The following CHST12 variants were observed in gnomAD, a reference collection of about 807,000 sequenced individuals.
The protein encoded by CHST12 is carbohydrate sulfotransferase 12, also known as carbohydrate (chondroitin 4) sulfotransferase 12.
A neutral mutation model predicts 27.9 loss-of-function variants in CHST12; 23 were observed. The observed-to-expected ratio is 0.82, with a 90% confidence interval of 0.59 to 1.17. The LOEUF (loss-of-function observed/expected upper bound fraction) is 1.17. Among genes scored for constraint, CHST12 ranks in the 50% most tolerant of loss-of-function variants. CHST12 has a pLI of 0.00. For missense variants in CHST12, 682 were observed against 603.0 expected (o/e 1.13, Z -1.37); for synonymous variants, 322 against 273.0 (o/e 1.18, Z -1.77).
At chr7:2,414,843 G>T (rs1235927899) in intron 1 of CHST12, among the ~76,000 whole-genome samples, 3 of 152,154 alleles carry the variant, frequency 2.0e-5, no homozygotes, top group Non-Finnish European at 1.5e-5. Context: ...CAGATATCCA[G>T]TTGTTTCAGC....
rs1325001016 is a variant in CHST12, at chr7:2,444,968, A to C, written c.*11084A>C. ...TGGATGAAATGGTTTTTGCCATTTC[A>C]ATTGGTTCTCTTCCAACGTGTCTTC... On this transcript the variant is annotated 3_prime_UTR_variant, in exon 2 of 2. Transcript: ENST00000618655. 1 of 152,142 alleles carries C rather than the reference A, an allele frequency of 6.6e-6. No homozygotes were observed. Among genetic ancestry groups the C allele is most frequent in the East Asian group, 1.9e-4 (1 of 5,196 alleles). 9.4% of individuals were successfully genotyped at this position (152,142 alleles called of 1,614,324 possible). A position where few individuals can be genotyped will look rare whatever the true frequency, so the allele number is the denominator to read the frequency against.
Position 2,432,832 on chromosome 7 carries a change from G to A in CHST12, c.193G>A (p.Asp65Asn), listed in dbSNP as rs955669873. Residue 65 changes from aspartate (D) to asparagine (N), a missense_variant, in exon 2 of 2, where the codon GAT (aspartate) becomes AAT (asparagine). Coordinates refer to ENST00000618655, the MANE Select transcript of CHST12 (RefSeq NM_018641.5). ...GGACAGGGAGCTCACGGCCGACTCC[G>A]ATGTCGACGAGTTTCTGGACAAGTT... ...DRDRELTADS[D>N]VDEFLDKFLS... is the part of the protein sequence containing the mutation. The A allele has an allele frequency of 5.0e-6, 8 of 1,613,762 alleles. No homozygotes were observed. In the Admixed American group the frequency reaches 6.7e-5, roughly 13 times the overall value.
Position 2,408,145 on chromosome 7 carries a change from G to A in CHST12, c.-78+4472G>A, listed in dbSNP as rs141685697. The stretch of plus-strand genomic sequence containing the variant: ...AGCACTTTGGGTGGCCGAGGTGGAC[G>A]GATCACTTGAGGCCAGGAGTTTGAG... On this transcript the variant is annotated intron_variant, in intron 1 of 1. Transcript: ENST00000618655. Among the ~76,000 whole-genome samples the A allele has an allele frequency of 8.5e-3, 1,280 of 151,368 alleles. 11 individuals are homozygous for A. Among genetic ancestry groups the A allele is most frequent in the Non-Finnish European group, 0.014 (923 of 67,816 alleles).
chr7:2,434,229 G>C lies in CHST12; in HGVS notation c.*345G>C, dbSNP rs1187469742. 9.8e-6 allele frequency: 2 copies of C among 204,484 alleles called. No homozygotes were observed. Among genetic ancestry groups the C allele is most frequent in the Non-Finnish European group, 2.2e-5 (2 of 91,240 alleles). The allele number at this position is 204,484 out of a possible 1,614,324, so 12.7% of individuals were successfully genotyped here. Reference sequence around the variant, plus strand: ...CCAGGGCTAGGGCCACTCACCGGAGGAGGGCGGGGCCTGCACTTGAAGTCA... The same window carrying C: ...CCAGGGCTAGGGCCACTCACCGGAGCAGGGCGGGGCCTGCACTTGAAGTCA... On this transcript the variant is annotated 3_prime_UTR_variant, in exon 2 of 2. Transcript: ENST00000618655.
At chr7:2,403,715 C>T (rs1781445878) in intron 1 of CHST12, 42 bp downstream of exon 1, 1 of 152,466 alleles carries the variant, frequency 6.6e-6, no homozygotes, top group Admixed American at 6.6e-5. Flanking sequence ...CGCGGTCTCC[C>T]TCTCTCTCGG....
rs1184731343 is a variant in CHST12 at position 2,437,481 on chromosome 7, G to A, written c.*3597G>A. On this transcript the variant is annotated 3_prime_UTR_variant, in exon 2 of 2. Coordinates refer to ENST00000618655, the MANE Select transcript of CHST12 (RefSeq NM_018641.5). ...TAAAGCATCTCATGCTTCTTCATTC[G>A]CTGATACTTACAACCCCCAGTGGAT... 2 of 152,198 alleles carry A rather than the reference G, an allele frequency of 1.3e-5. No individual in the cohort carries two copies. Among genetic ancestry groups the A allele is most frequent in the African/African-American group, 2.4e-5 (1 of 41,446 alleles). The allele number at this position is 152,198 out of a possible 1,614,324, so 9.4% of individuals were successfully genotyped here. A position where few individuals can be genotyped will look rare whatever the true frequency, so the allele number is the denominator to read the frequency against.
chr7:2,424,006 T>C (rs551954903), intron 1 of CHST12, among the ~76,000 whole-genome samples: 1 of 151,436 alleles, frequency 6.6e-6, no homozygotes, highest in South Asian at 2.1e-4. Context: ...GAGCCGAGAT[T>C]GCAGCACTGT....
chr7:2,412,876 A>G (rs1781702246), intron 1 of CHST12, among the ~76,000 whole-genome samples: 1 of 151,326 alleles, frequency 6.6e-6, no homozygotes, highest in African/African-American at 2.4e-5. Flanking sequence ...TTGTTATTTT[A>G]AAATCAATTT....
Position 2,405,886 on chromosome 7 carries a change from C to G in CHST12, c.-78+2213C>G, listed in dbSNP as rs77024547. Reference sequence around the variant, plus strand: ...TGTGACCTGGTGGAGAAGAGACAGCCTGTACAAGGAGGGAATCCCCAGGAA... The same window carrying G: ...TGTGACCTGGTGGAGAAGAGACAGCGTGTACAAGGAGGGAATCCCCAGGAA... On this transcript the variant is annotated intron_variant, in intron 1 of 1. Coordinates refer to ENST00000618655, the MANE Select transcript of CHST12 (RefSeq NM_018641.5). Among the ~76,000 whole-genome samples the G allele has an allele frequency of 2.0e-5, 3 of 152,284 alleles. No individual in the cohort carries two copies. The East Asian group carries it at 5.8e-4, about 29-fold the overall frequency.
chr7:2,428,528 G>A (rs925476458), intron 1 of CHST12, among the ~76,000 whole-genome samples: 4 of 152,158 alleles, frequency 2.6e-5, no homozygotes, highest in African/African-American at 7.2e-5. Context: ...CTGGTCCTGC[G>A]ATGCCGCCAA....
intron 1 of CHST12, among the ~76,000 whole-genome samples, chr7:2,424,581 A>T (rs116787171): frequency 6.6e-6 from 1 of 152,096 alleles, no homozygotes; most frequent in Non-Finnish European, 1.5e-5. Flanking sequence ...CTCCCGGGCA[A>T]TCCGCCTGTT....
intron 1 of CHST12, among the ~76,000 whole-genome samples, chr7:2,429,102 C>T (rs1293859753): frequency 6.6e-6 from 1 of 152,202 alleles, no homozygotes; most frequent in Non-Finnish European, 1.5e-5. Flanking sequence ...CGTTCATAGG[C>T]TCTCTGCAGG....
At position 2,410,082 on chromosome 7, in the gene CHST12, G is replaced by A. The variant is rs559510977; in HGVS notation, c.-78+6409G>A. Among the ~76,000 whole-genome samples the A allele has an allele frequency of 5.3e-5, 8 of 152,190 alleles. No homozygotes were observed. The East Asian group carries it at 9.6e-4, about 18-fold the overall frequency. ...CAGGCCTGAGCCGCCACGCCCGGCC[G>A]AGCGCTTTCTTTCGTCGTTTTCCAA... On this transcript the variant is annotated intron_variant, in intron 1 of 1. Transcript: ENST00000618655.
Position 2,443,723 on chromosome 7 carries a change from G to A in CHST12, c.*9839G>A, listed in dbSNP as rs750295865. Reference sequence around the variant, plus strand: ...ACAAAGACAGAGCTGCTTCCCTCCTGTTGGGTCTCTGGCGGACAGTCAGGT... The same window carrying A: ...ACAAAGACAGAGCTGCTTCCCTCCTATTGGGTCTCTGGCGGACAGTCAGGT... On this transcript the variant is annotated 3_prime_UTR_variant, in exon 2 of 2. Transcript: ENST00000618655. 3 of 152,230 alleles carry A rather than the reference G, an allele frequency of 2.0e-5. No individual in the cohort carries two copies. The highest frequency in any genetic ancestry group is 4.4e-5 in the Non-Finnish European group (3 of 68,062). 9.4% of individuals were successfully genotyped at this position (152,230 alleles called of 1,614,324 possible). A position where few individuals can be genotyped will look rare whatever the true frequency, so the allele number is the denominator to read the frequency against.
Position 2,434,348 on chromosome 7 carries a change from C to G in CHST12, c.*464C>G, listed in dbSNP as rs896085112. 1 of 170,038 alleles carries G rather than the reference C, an allele frequency of 5.9e-6. No homozygotes were observed. The highest frequency in any genetic ancestry group is 2.0e-4 in the South Asian group (1 of 5,014). 10.5% of individuals were successfully genotyped at this position (170,038 alleles called of 1,614,324 possible). ...TGTTGTACTTGAAAAGGTCAATCTT[C>G]AGGGCTTCCTGTTTGAAGTCAAGTC... On this transcript the variant is annotated 3_prime_UTR_variant, in exon 2 of 2. Transcript: ENST00000618655.
chr7:2,418,985 A>G (rs1781887437), intron 1 of CHST12, among the ~76,000 whole-genome samples: 1 of 152,196 alleles, frequency 6.6e-6, no homozygotes. Context: ...ATTTGTAGAC[A>G]TGAGGTCTCA....
chr7:2,418,343 G>A lies in CHST12; in HGVS notation c.-77-14220G>A, dbSNP rs10245183. Among the ~76,000 whole-genome samples the A allele has an allele frequency of 3.7e-3, 570 of 152,328 alleles. 5 individuals are homozygous for A. Among genetic ancestry groups the A allele is most frequent in the African/African-American group, 0.013 (547 of 41,568 alleles). On this transcript the variant is annotated intron_variant, in intron 1 of 1. Coordinates refer to ENST00000618655, the MANE Select transcript of CHST12 (RefSeq NM_018641.5). ...ATTTATGAGGGCATCTGACACAGCCGCCGTGGAAAAGCACCTCCACCGCTA... is the reference window on the plus strand; with the variant it reads ...ATTTATGAGGGCATCTGACACAGCCACCGTGGAAAAGCACCTCCACCGCTA...
rs4721709 is a variant in CHST12 at position 2,436,121 on chromosome 7, G to A, written c.*2237G>A. On this transcript the variant is annotated 3_prime_UTR_variant, in exon 2 of 2. Transcript: ENST00000618655. ...GAGCCATCACACCTGGCCCCTCCAAGTTTTTTATTATGATAAAAATGTTTA... is the reference window on the plus strand; with the variant it reads ...GAGCCATCACACCTGGCCCCTCCAAATTTTTTATTATGATAAAAATGTTTA... 0.041 allele frequency: 6,193 copies of A among 152,304 alleles called. 185 individuals are homozygous for A. The highest frequency in any genetic ancestry group is 0.077 in the Admixed American group (1,185 of 15,296). The allele number at this position is 152,304 out of a possible 1,614,324, so 9.4% of individuals were successfully genotyped here. A position where few individuals can be genotyped will look rare whatever the true frequency, so the allele number is the denominator to read the frequency against.
At position 2,432,970 on chromosome 7, in the gene CHST12, G is replaced by A. The variant is rs1214435310; in HGVS notation, c.331G>A (p.Ala111Thr). ...AGGCTACGACTGGTCCCCGCGCGAC[G>A]CCCGGCGCAGCCCAGACCAGGGCCG... ...VRGYDWSPRD[A>T]RRSPDQGRQQ... The change falls in exon 2 of 2, where the codon GCC (alanine) becomes ACC (threonine). Residue 111 changes from alanine (A) to threonine (T), a missense_variant. Coordinates refer to ENST00000618655, the MANE Select transcript of CHST12 (RefSeq NM_018641.5). The A allele has an allele frequency of 2.5e-6, 4 of 1,608,676 alleles. No individual in the cohort carries two copies. The highest frequency in any genetic ancestry group is 2.5e-6 in the Non-Finnish European group (3 of 1,177,352).
Sources: gnomAD v4.1 joint callset for allele counts (sites outside exome capture counted in the v4.1 genomes callset) on GRCh38, gnomAD v4.1.1 for gene constraint, MANE v1.5 for transcripts, NCBI Gene and HGNC (gene_info 2026-07-23, HGNC 2026-07-21) for gene names.